ZNF700: variants seen among roughly 807,000 people sequenced by gnomAD.
ZNF700 encodes zinc finger protein 700.
Under a neutral mutation model 65.3 loss-of-function variants are expected in ZNF700, and 38 were observed. The ratio of observed to expected loss-of-function variants is 0.58; its 90% CI spans 0.45 to 0.76. ZNF700 has a LOEUF of 0.76. ZNF700 is among the 30% of genes least tolerant of loss of function. ZNF700 has a pLI of 0.00. For missense variants in ZNF700, 857 were observed against 888.4 expected, an observed-to-expected ratio of 0.96 and a Z score of 0.45; for synonymous variants, 285 against 290.4, an observed-to-expected ratio of 0.98 and a Z score of 0.19.
chr19:11,950,456 C>T lies in ZNF700; in HGVS notation c.*203C>T, dbSNP rs77673544. 10,461 of 709,100 alleles carry T rather than the reference C, an allele frequency of 0.015. 106 individuals carry two copies. Among genetic ancestry groups the T allele is most frequent in the South Asian group, 0.024 (1,435 of 60,562 alleles). 43.9% of individuals were successfully genotyped at this position (709,100 alleles called of 1,614,324 possible). On this transcript the variant is annotated 3_prime_UTR_variant, in exon 4 of 4. Coordinates refer to ENST00000254321, the MANE Select transcript of ZNF700 (RefSeq NM_144566.3). ...TTTCAATGTCATGAAAGGACTCACA[C>T]GGGAGAGAAACCCTATGAGTGTATT...
Position 11,945,448 on chromosome 19 carries a change from A to C in ZNF700, c.64-1733A>C. Among the ~76,000 whole-genome samples the C allele has an allele frequency of 1.3e-5, 2 of 152,174 alleles. 1 individual carries two copies. The highest frequency in any genetic ancestry group is 3.9e-4 in the East Asian group (2 of 5,172). On this transcript the variant is annotated intron_variant, in intron 1 of 3. Transcript: ENST00000254321. ...CTGGCTTGGGAACAGGCAGGAGGGT[A>C]GTGTTCCATGGAGACTGGCAAAGGA... is the stretch of plus-strand genomic sequence containing the variant.
chr19:11,925,791 AAAG>A (rs1972617694), intron 1 of ZNF700, among the ~76,000 whole-genome samples: 1 of 152,242 alleles, frequency 6.6e-6, no homozygotes. Context: ...TATGTAAAAT[AAAG>A]AAGTTTATTC....
Position 11,946,926 on chromosome 19 carries a change from G to A in ZNF700, c.64-255G>A, listed in dbSNP as rs138680695. On this transcript the variant is annotated intron_variant, in intron 1 of 3. Transcript: ENST00000254321. The stretch of plus-strand genomic sequence containing the variant: ...GAGGCAGGAGAATCGCTTGAACCCC[G>A]GTGGTGAGCCAATATCACGCCATTG... The A allele has an allele frequency of 2.8e-4, 165 of 588,378 alleles. No homozygotes were observed. In the East Asian group the frequency reaches 3.5e-3, roughly 12 times the overall value. 36.4% of individuals were successfully genotyped at this position (588,378 alleles called of 1,614,324 possible).
intron 1 of ZNF700, chr19:11,946,723 T>C (rs958315633): frequency 2.6e-5 from 4 of 153,354 alleles, no homozygotes; most frequent in African/African-American, 9.7e-5. Context: ...AACTCCATAG[T>C]CTCCCTTAAA....
intron 1 of ZNF700, among the ~76,000 whole-genome samples, chr19:11,938,519 A>G (rs1831438203): frequency 6.6e-6 from 1 of 152,120 alleles, no homozygotes; most frequent in Non-Finnish European, 1.5e-5. Context: ...TTTGCTCAGA[A>G]TAATGGTTTC....
chr19:11,949,265 G>C lies in ZNF700; in HGVS notation c.1241G>C (p.Gly414Ala), dbSNP rs1363471236. Residue 414 changes from glycine to alanine, a missense_variant, in exon 4 of 4, where the codon GGA becomes GCA. Gly to Ala is a moderately conservative substitution (Grantham distance 60, BLOSUM62 0). Transcript: ENST00000254321. Reference sequence around the variant, plus strand: ...CGATATCATGAAAGGATTCACACTGGAGAGAAACCCTATGAGTGTAAGCAG... The same window carrying C: ...CGATATCATGAAAGGATTCACACTGCAGAGAAACCCTATGAGTGTAAGCAG... ...SFRYHERIHTGEKPYECKQCG... is the reference protein window; with the variant it reads ...SFRYHERIHTAEKPYECKQCG... The C allele has an allele frequency of 1.9e-6, 3 of 1,614,142 alleles. No individual in the cohort carries two copies. In the South Asian group the frequency reaches 3.3e-5, roughly 18 times the overall value.
At chr19:11,932,849 G>T (rs139090602) in intron 1 of ZNF700, among the ~76,000 whole-genome samples, 3,153 of 147,728 alleles carry the variant, frequency 0.021, 579 homozygotes, top group African/African-American at 0.079. Context: ...GTGTTAGCCA[G>T]GATGGTCTCA....
rs755928012 is a variant in ZNF700 at position 11,949,409 on chromosome 19, G to A, written c.1385G>A (p.Arg462Gln). 44 of 1,612,690 alleles carry A rather than the reference G, an allele frequency of 2.7e-5. No individual in the cohort carries two copies. The highest frequency in any genetic ancestry group is 2.7e-5 in the African/African-American group (2 of 74,606). Residue 462 changes from arginine to glutamine, a missense_variant, in exon 4 of 4, where the codon CGA becomes CAA. Arg to Gln is a conservative substitution (Grantham distance 43). This residue lies in a region of ZNF700 where 603 missense variants were observed against 619.9 expected (regional missense o/e 0.97). Transcript: ENST00000254321. ...GCCTTCAGATCTACCTCACACCTTC[G>A]AGTGCATGGTAGGACTCATACTGGA... Reference protein sequence around the residue: ...GKAFRSTSHLRVHGRTHTGEK... With the variant: ...GKAFRSTSHLQVHGRTHTGEK...
Position 11,950,310 on chromosome 19 carries a change from C to A in ZNF700, c.*57C>A. 1.3e-6 allele frequency: 2 copies of A among 1,539,826 alleles called. No individual in the cohort carries two copies. The highest frequency in any genetic ancestry group is 1.8e-6 in the Non-Finnish European group (2 of 1,134,972). On this transcript the variant is annotated 3_prime_UTR_variant, in exon 4 of 4. Transcript: ENST00000254321. The stretch of plus-strand genomic sequence containing the variant: ...ACACTGGAAGGAAGCACTATGAATG[C>A]AAGCAATGTGGCAAAACTTTCACAT...
rs377270417 is a variant in ZNF700 at position 11,936,591 on chromosome 19, G to A, written c.64-10590G>A. Among the ~76,000 whole-genome samples the A allele has an allele frequency of 3.7e-4, 57 of 152,162 alleles. No individual in the cohort carries two copies. The South Asian group carries it at 8.9e-3, about 24-fold the overall frequency. On this transcript the variant is annotated intron_variant, in intron 1 of 3. Coordinates refer to ENST00000254321, the MANE Select transcript of ZNF700 (RefSeq NM_144566.3). ...TCCTTGTAGATTCTGGATATTAGTC[G>A]TTTGTTGGATGGGTAGATTGCAAAA... is the stretch of plus-strand genomic sequence containing the variant.
intron 1 of ZNF700, among the ~76,000 whole-genome samples, chr19:11,942,265 C>T (rs186471153): frequency 6.6e-5 from 10 of 151,468 alleles, no homozygotes; most frequent in African/African-American, 2.4e-4. Context: ...GGCTAGCTAT[C>T]TGCCTTCTCT....
Position 11,925,198 on chromosome 19 carries a change from T to G in ZNF700, c.-13T>G. On this transcript the variant is annotated 5_prime_UTR_variant, in exon 1 of 4. Transcript: ENST00000254321. ...GCCTGTACCCAGGCTTCTGTCGCTC[T>G]GTCGCCTGCGCTATGCCCTGCTGTA... is the stretch of plus-strand genomic sequence containing the variant. 1 of 1,611,902 alleles carries G rather than the reference T, an allele frequency of 6.2e-7. No homozygotes were observed. The highest frequency in any genetic ancestry group is 8.5e-7 in the Non-Finnish European group (1 of 1,178,550).
chr19:11,949,021 C>A lies in ZNF700; in HGVS notation c.997C>A (p.Pro333Thr), dbSNP rs769963380. ...RHERTHSGKKPYECKQYGEGL... is the reference protein window; with the variant it reads ...RHERTHSGKKTYECKQYGEGL... ...TGAAAGGACCCACTCTGGGAAAAAACCGTATGAATGTAAGCAATATGGGGA... is the reference window on the plus strand; with the variant it reads ...TGAAAGGACCCACTCTGGGAAAAAAACGTATGAATGTAAGCAATATGGGGA... Residue 333 changes from proline to threonine, a missense_variant, in exon 4 of 4, where the codon CCG (proline) becomes ACG (threonine). Physicochemically the swap from Pro to Thr is conservative, Grantham distance 38. Around this residue, in one of 3 missense-constraint regions of ZNF700, gnomAD observed 603 missense variants for 619.9 expected, o/e 0.97. Transcript: ENST00000254321. The A allele has an allele frequency of 1.9e-5, 31 of 1,606,384 alleles. No individual in the cohort carries two copies. In the East Asian group the frequency reaches 2.7e-4, roughly 14 times the overall value.
At chr19:11,947,360 G>T in intron 2 of ZNF700, 53 bp downstream of exon 2, 1 of 1,610,816 alleles carries the variant, frequency 6.2e-7, no homozygotes, top group East Asian at 2.2e-5. Flanking sequence ...AGTGTTTCTA[G>T]CTCATGAATG....
At chr19:11,925,303 C>T (rs745607418) in intron 1 of ZNF700, 30 bp downstream of exon 1, 43 of 1,608,288 alleles carry the variant, frequency 2.7e-5, no homozygotes, top group Non-Finnish European at 3.6e-5. Flanking sequence ...TGTCGTGAGA[C>T]GGGGGAGGGG....
In ZNF700 at chr19:11,928,471, G is replaced by A. The variant is rs946830660; in HGVS notation, c.63+3198G>A. On this transcript the variant is annotated intron_variant, in intron 1 of 3. Coordinates refer to ENST00000254321, the MANE Select transcript of ZNF700 (RefSeq NM_144566.3). ...CTCTGGGCCGGGCGCGGTGGCTCAC[G>A]CCTGTAATCCCAGCACTTTGGGAGG... Among the ~76,000 whole-genome samples, 203 of 151,468 alleles carry A rather than the reference G, an allele frequency of 1.3e-3. 1 individual carries two copies. Among genetic ancestry groups the A allele is most frequent in the African/African-American group, 4.8e-3 (195 of 40,974 alleles).
At chr19:11,928,492 G>A (rs1043770879) in intron 1 of ZNF700, among the ~76,000 whole-genome samples, 8 of 151,802 alleles carry the variant, frequency 5.3e-5, no homozygotes, top group African/African-American at 1.9e-4. Context: ...CAGCACTTTG[G>A]GAGGCCGAGG....
At chr19:11,946,363 G>T (rs577314196) in intron 1 of ZNF700, among the ~76,000 whole-genome samples, 6 of 152,032 alleles carry the variant, frequency 3.9e-5, no homozygotes. Flanking sequence ...AGGTAAGGAC[G>T]GGGGGCATTG....
chr19:11,943,391 G>A (rs279255), intron 1 of ZNF700, among the ~76,000 whole-genome samples: 26,274 of 152,120 alleles, frequency 0.17, 4,813 homozygotes, highest in African/African-American at 0.47. Flanking sequence ...GTTTCTTACC[G>A]GGCTAAAACA....
Sources: allele counts gnomAD v4.1 joint callset (sites outside exome capture counted in the v4.1 genomes callset), GRCh38; gene constraint gnomAD v4.1.1; regional missense constraint gnomAD v4.1.1; transcripts MANE v1.5; gene names NCBI Gene and HGNC (gene_info 2026-07-23, HGNC 2026-07-21).